ZC3H3: variants seen among roughly 807,000 people sequenced by gnomAD.
The protein encoded by ZC3H3 is zinc finger CCCH-type containing 3.
In ZC3H3, 36 loss-of-function variants were observed where a neutral mutation model predicts 77.3. That is an observed-to-expected ratio of 0.47 (90% CI 0.36 to 0.61). The LOEUF (loss-of-function observed/expected upper bound fraction) is 0.61, where lower values mean the gene tolerates loss of function less well. Among genes scored for constraint, ZC3H3 ranks in the 20% least tolerant of loss-of-function variants. ZC3H3 has a pLI of 0.00. For synonymous variants in ZC3H3, 626 were observed against 555.2 expected, an observed-to-expected ratio of 1.13 and a Z score of -1.79; for missense variants, 1,331 against 1,312.2, an observed-to-expected ratio of 1.01 and a Z score of -0.22.
chr8:143,440,875 T>C, intron 10 of ZC3H3, 61 bp downstream of exon 10: 1 of 1,337,764 alleles, frequency 7.5e-7, no homozygotes, highest in South Asian at 2.2e-5. Context: ...GCCCCGGGCA[T>C]CTCCCCAGAC....
chr8:143,456,922 T>A (rs1385659269), intron 9 of ZC3H3, among the ~76,000 whole-genome samples: 1 of 152,082 alleles, frequency 6.6e-6, no homozygotes, highest in Non-Finnish European at 1.5e-5. Flanking sequence ...CTAATGTAAA[T>A]GCACCAAACA....
intron 3 of ZC3H3, among the ~76,000 whole-genome samples, chr8:143,528,028 T>A (rs139054031): frequency 1.1e-3 from 172 of 152,214 alleles, no homozygotes; most frequent in Admixed American, 3.6e-3. Flanking sequence ...ATGGGGCTGC[T>A]CCCCAGTACC....
chr8:143,541,332 G>C, intron 1 of ZC3H3, 44 bp downstream of exon 1: 1 of 1,604,206 alleles, frequency 6.2e-7, no homozygotes, highest in Non-Finnish European at 8.5e-7. Context: ...CGCGAGGTGA[G>C]GGGGAAAGAA....
At chr8:143,477,377 T>G (rs1056873504) in intron 4 of ZC3H3, among the ~76,000 whole-genome samples, 1 of 152,064 alleles carries the variant, frequency 6.6e-6, no homozygotes, top group African/African-American at 2.4e-5. Context: ...CTCCCACCTA[T>G]CCTGTCTGCG....
intron 9 of ZC3H3, among the ~76,000 whole-genome samples, chr8:143,442,685 G>A (rs536754192): frequency 5.3e-5 from 8 of 152,366 alleles, no homozygotes; most frequent in African/African-American, 1.9e-4. Context: ...CTGCCACACA[G>A]CCAGTGTGAG....
At chr8:143,515,430 C>T (rs763165602) in intron 3 of ZC3H3, among the ~76,000 whole-genome samples, 35 of 152,240 alleles carry the variant, frequency 2.3e-4, no homozygotes, top group Non-Finnish European at 3.8e-4. Flanking sequence ...TTCCGGCAGA[C>T]GGCACTGGCA....
At chr8:143,457,502 C>A (rs988113356) in intron 9 of ZC3H3, among the ~76,000 whole-genome samples, 4 of 151,944 alleles carry the variant, frequency 2.6e-5, no homozygotes, top group South Asian at 2.1e-4. Context: ...GAGGCTGAGG[C>A]GGATGGACTC....
At chr8:143,532,700 G>A (rs925528593) in intron 3 of ZC3H3, among the ~76,000 whole-genome samples, 5 of 152,268 alleles carry the variant, frequency 3.3e-5, no homozygotes, top group African/African-American at 1.2e-4. Flanking sequence ...AAGCCCACTG[G>A]CCAAGGCAGA....
At chr8:143,507,182 G>A (rs73715640) in intron 4 of ZC3H3, among the ~76,000 whole-genome samples, 2,968 of 152,336 alleles carry the variant, frequency 0.019, 87 homozygotes, top group African/African-American at 0.067. Context: ...CCGGGATAGC[G>A]GCCCCAGGAG....
Position 143,503,577 on chromosome 8 carries a change from C to T in ZC3H3, c.1715+4169G>A, listed in dbSNP as rs1161568347. On this transcript the variant is annotated intron_variant, in intron 4 of 11. Coordinates refer to ENST00000262577, the MANE Select transcript of ZC3H3 (RefSeq NM_015117.3). Reference sequence around the variant, plus strand: ...ATCTCCCCAACACCTCCCCCAGCACCCAGCCGGCTCCACCACCACCTCCCC... The same window carrying T: ...ATCTCCCCAACACCTCCCCCAGCACTCAGCCGGCTCCACCACCACCTCCCC... Among the ~76,000 whole-genome samples, 6 of 148,284 alleles carry T rather than the reference C, an allele frequency of 4.0e-5. No homozygotes were observed. In the East Asian group the frequency reaches 1.2e-3, roughly 30 times the overall value.
Position 143,502,348 on chromosome 8 carries a change from C to T in ZC3H3, c.1715+5398G>A, listed in dbSNP as rs375152509. On this transcript the variant is annotated intron_variant, in intron 4 of 11. Coordinates refer to ENST00000262577, the MANE Select transcript of ZC3H3 (RefSeq NM_015117.3). ...GGCACACCTGCTCATTAAGGAGACA[C>T]GCGTGGGGAGCGCAGCATCGCAGTG... 6.6e-5 allele frequency among the ~76,000 whole-genome samples: 10 copies of T among 152,364 alleles called. No individual in the cohort carries two copies. In the East Asian group the frequency reaches 1.2e-3, roughly 18 times the overall value.
chr8:143,475,824 C>A (rs539196410), intron 4 of ZC3H3, among the ~76,000 whole-genome samples: 1 of 152,108 alleles, frequency 6.6e-6, no homozygotes, highest in African/African-American at 2.4e-5. Context: ...TCAGGGAACA[C>A]TGACAAGGAG....
At chr8:143,469,806 G>A (rs1312754724) in intron 5 of ZC3H3, among the ~76,000 whole-genome samples, 1 of 152,210 alleles carries the variant, frequency 6.6e-6, no homozygotes, top group Non-Finnish European at 1.5e-5. Context: ...TGCTGAGGGC[G>A]GCTTTCCCGG....
At chr8:143,504,029 C>T (rs902478456) in intron 4 of ZC3H3, among the ~76,000 whole-genome samples, 3 of 152,150 alleles carry the variant, frequency 2.0e-5, no homozygotes, top group African/African-American at 7.2e-5. Flanking sequence ...TGGGACAGGG[C>T]AGAGGCCTAG....
At chr8:143,452,749 A>C (rs1483075451) in intron 9 of ZC3H3, among the ~76,000 whole-genome samples, 1 of 152,244 alleles carries the variant, frequency 6.6e-6, no homozygotes, top group Non-Finnish European at 1.5e-5. Context: ...TGGAAGACAG[A>C]ATAACAGAAA....
rs1821286718 is a variant in ZC3H3, at chr8:143,494,352, GC to G, written c.1715+13393del. ...AGCTCAGGCTACGGGACCGGTGGCAGCCCGCCAGCCCTCCCTCTGAGCAGGC... is the reference window on the plus strand; with the variant it reads ...AGCTCAGGCTACGGGACCGGTGGCAGCCGCCAGCCCTCCCTCTGAGCAGGC... On this transcript the variant is annotated intron_variant, in intron 4 of 11. Transcript: ENST00000262577. The surrounding 1 kb of genome is among the most constrained non-coding windows in gnomAD (Gnocchi z 5.3). Among the ~76,000 whole-genome samples, 1 of 152,230 alleles carries G rather than the reference GC, an allele frequency of 6.6e-6. No individual in the cohort carries two copies. Among genetic ancestry groups the G allele is most frequent in the African/African-American group, 2.4e-5 (1 of 41,456 alleles).
At chr8:143,527,263 G>A (rs559337185) in intron 3 of ZC3H3, among the ~76,000 whole-genome samples, 13 of 152,324 alleles carry the variant, frequency 8.5e-5, no homozygotes, top group African/African-American at 3.1e-4. Flanking sequence ...GCCAAGACAC[G>A]TGACTGGGGG....
intron 3 of ZC3H3, among the ~76,000 whole-genome samples, chr8:143,527,554 G>A (rs1044137210): frequency 5.3e-5 from 8 of 152,202 alleles, no homozygotes; most frequent in South Asian, 2.1e-4. Flanking sequence ...GGAGGCCGCC[G>A]GCATGCCTGA....
chr8:143,518,238 C>G (rs1822124170), intron 3 of ZC3H3, among the ~76,000 whole-genome samples: 1 of 152,064 alleles, frequency 6.6e-6, no homozygotes, highest in African/African-American at 2.4e-5. Flanking sequence ...TCAGCCTAAC[C>G]CAGGGAGCCC....
Sources: gnomAD v4.1 joint callset for allele counts (sites outside exome capture counted in the v4.1 genomes callset) on GRCh38, gnomAD v4.1.1 for gene constraint, Gnocchi (gnomAD v3.1) non-coding constraint, MANE v1.5 for transcripts, NCBI Gene and HGNC (gene_info 2026-07-23, HGNC 2026-07-21) for gene names.